Variants in UNC79 observed in about 807,000 individuals in gnomAD.
The protein encoded by UNC79 is unc-79 subunit of NALCN channel complex.
Under a neutral mutation model 283.1 loss-of-function variants are expected in UNC79, and 37 were observed. The ratio of observed to expected loss-of-function variants is 0.13; its 90% CI spans 0.10 to 0.17. The LOEUF (loss-of-function observed/expected upper bound fraction) is 0.17, where lower values mean the gene tolerates loss of function less well. Among genes scored for constraint, UNC79 ranks in the 10% least tolerant of loss-of-function variants. The pLI, the probability that UNC79 is intolerant of heterozygous loss-of-function variation, is 1.00. For missense variants in UNC79, 2,272 were observed against 3,211.1 expected, an observed-to-expected ratio of 0.71 and a Z score of 7.07; for synonymous variants, 1,107 against 1,200.2, an observed-to-expected ratio of 0.92 and a Z score of 1.61.
chr14:93,515,050 G>A lies in UNC79; in HGVS notation c.899-8928G>A, dbSNP rs553512581. Among the ~76,000 whole-genome samples the A allele has an allele frequency of 2.2e-3, 332 of 151,878 alleles. 2 individuals carry two copies. Among genetic ancestry groups the A allele is most frequent in the African/African-American group, 6.8e-3 (281 of 41,418 alleles). On this transcript the variant is annotated intron_variant, in intron 7 of 48. Transcript: ENST00000555664. ...TTTATGCATATTTTTTGTATTCCCCGTCCCCCACCATTTCATCTTTCTGTG... is the reference window on the plus strand; with the variant it reads ...TTTATGCATATTTTTTGTATTCCCCATCCCCCACCATTTCATCTTTCTGTG...
At chr14:93,465,603 A>G (rs1254914843) in intron 1 of UNC79, among the ~76,000 whole-genome samples, 1 of 152,238 alleles carries the variant, frequency 6.6e-6, no homozygotes, top group Non-Finnish European at 1.5e-5. Context: ...AGCTATAAAA[A>G]GAACATCCTT....
chr14:93,648,001 G>T (rs2069818686), intron 35 of UNC79, among the ~76,000 whole-genome samples: 1 of 152,188 alleles, frequency 6.6e-6, no homozygotes, highest in Non-Finnish European at 1.5e-5. Context: ...CCACCCCTAT[G>T]ATTCAGTTAT....
intron 30 of UNC79, among the ~76,000 whole-genome samples, chr14:93,623,987 T>C (rs2067343050): frequency 6.6e-6 from 1 of 152,186 alleles, no homozygotes; most frequent in Non-Finnish European, 1.5e-5. Flanking sequence ...CTGTGGAATG[T>C]TAAAAACTGG....
intron 1 of UNC79, among the ~76,000 whole-genome samples, chr14:93,455,570 A>T (rs965184353): frequency 6.6e-6 from 1 of 151,918 alleles, no homozygotes; most frequent in Non-Finnish European, 1.5e-5. Flanking sequence ...TATCTTCTTT[A>T]CTCCACAGGT....
intron 31 of UNC79, among the ~76,000 whole-genome samples, chr14:93,635,737 A>T (rs1439691526): frequency 6.6e-6 from 1 of 152,198 alleles, no homozygotes; most frequent in East Asian, 1.9e-4. Flanking sequence ...GGTTCTTTAC[A>T]TTGTAAAGGT....
chr14:93,672,675 C>G (rs113961898), intron 40 of UNC79, among the ~76,000 whole-genome samples: 183 of 152,202 alleles, frequency 1.2e-3, no homozygotes, highest in African/African-American at 4.3e-3. Flanking sequence ...GAAATGTTCC[C>G]AATGCATAGA....
intron 27 of UNC79, among the ~76,000 whole-genome samples, chr14:93,614,324 TTTATTTATTTA>T (rs1306659195): frequency 0.014 from 2,095 of 150,748 alleles, 59 homozygotes; most frequent in African/African-American, 0.049. Context: ...TATTTATTTA[TTTATTTATTTA>T]GAGACGGAGT....
chr14:93,445,007 C>T (rs2056421534), intron 1 of UNC79, among the ~76,000 whole-genome samples: 1 of 152,056 alleles, frequency 6.6e-6, no homozygotes, highest in Non-Finnish European at 1.5e-5. Context: ...TTCTCTTTTG[C>T]AATATTTGGT....
At chr14:93,519,517 A>G (rs573219409) in intron 7 of UNC79, among the ~76,000 whole-genome samples, 1 of 151,926 alleles carries the variant, frequency 6.6e-6, no homozygotes, top group Non-Finnish European at 1.5e-5. Flanking sequence ...TATTGTTTAG[A>G]CCATTGGCAT....
intron 32 of UNC79, among the ~76,000 whole-genome samples, chr14:93,638,861 A>C (rs2068750867): frequency 6.6e-6 from 1 of 152,160 alleles, no homozygotes; most frequent in South Asian, 2.1e-4. Flanking sequence ...CTAGTACATT[A>C]CTTTTTGTTC....
intron 30 of UNC79, among the ~76,000 whole-genome samples, chr14:93,623,132 T>C (rs2067266404): frequency 6.6e-6 from 1 of 152,226 alleles, no homozygotes; most frequent in Admixed American, 6.5e-5. Flanking sequence ...ATCAGGATAA[T>C]CCAGGTATCA....
chr14:93,622,962 A>T lies in UNC79; in HGVS notation c.5608+121A>T, dbSNP rs1002390642. ...TCTTATAATGTCAGGGTGTGACATTATAATGGCTTCTCAATCACTCTGAAT... is the reference window on the plus strand; with the variant it reads ...TCTTATAATGTCAGGGTGTGACATTTTAATGGCTTCTCAATCACTCTGAAT... On this transcript the variant is annotated intron_variant, in intron 30 of 48. Coordinates refer to ENST00000555664, the Ensembl canonical transcript of UNC79. 3 of 1,316,712 alleles carry T rather than the reference A, an allele frequency of 2.3e-6. No homozygotes were observed. In the African/African-American group the frequency reaches 4.4e-5, roughly 19 times the overall value. The allele number at this position is 1,316,712 out of a possible 1,614,324, so 81.6% of individuals were successfully genotyped here.
chr14:93,669,451 A>C (rs1246652500), intron 40 of UNC79, among the ~76,000 whole-genome samples: 2 of 152,116 alleles, frequency 1.3e-5, no homozygotes, highest in Non-Finnish European at 2.9e-5. Context: ...CTAGAGGAAC[A>C]AAAGTCCGGA....
intron 12 of UNC79, among the ~76,000 whole-genome samples, chr14:93,539,244 C>T (rs1229567457): frequency 6.8e-6 from 1 of 147,462 alleles, no homozygotes; most frequent in Non-Finnish European, 1.5e-5. Flanking sequence ...ATAATATGGC[C>T]GGGCGCAGTG....
chr14:93,585,532 G>A (rs2141835082), intron 20 of UNC79, among the ~76,000 whole-genome samples: 1 of 152,276 alleles, frequency 6.6e-6, no homozygotes, highest in South Asian at 2.1e-4. Context: ...ATACATTCAG[G>A]CGGAAGATTC....
intron 4 of UNC79, among the ~76,000 whole-genome samples, chr14:93,481,916 G>T (rs2058165594): frequency 6.6e-6 from 1 of 152,200 alleles, no homozygotes; most frequent in Non-Finnish European, 1.5e-5. Flanking sequence ...ATCCAGAAGA[G>T]CTGAGTTATA....
intron 14 of UNC79, among the ~76,000 whole-genome samples, chr14:93,570,435 A>T (rs1016715860): frequency 5.9e-5 from 9 of 152,164 alleles, no homozygotes; most frequent in Non-Finnish European, 1.2e-4. Flanking sequence ...AGCCTTTAGG[A>T]TAAATTCCTG....
intron 1 of UNC79, among the ~76,000 whole-genome samples, chr14:93,411,218 A>G (rs550817178): frequency 2.0e-5 from 3 of 152,126 alleles, no homozygotes; most frequent in Non-Finnish European, 4.4e-5. Context: ...TGCCTCTAGA[A>G]AGGTGAGAGA....
chr14:93,522,625 T>A (rs901244817), intron 7 of UNC79, among the ~76,000 whole-genome samples: 9 of 152,156 alleles, frequency 5.9e-5, no homozygotes, highest in African/African-American at 2.2e-4. Context: ...AATCTCATAG[T>A]TATGAAGCGC....
Sources: allele counts gnomAD v4.1 joint callset (sites outside exome capture counted in the v4.1 genomes callset), GRCh38; gene constraint gnomAD v4.1.1; transcripts MANE v1.5; gene names NCBI Gene and HGNC (gene_info 2026-07-23, HGNC 2026-07-21).